Variants in TMIGD3 observed in about 807,000 individuals in gnomAD.
TMIGD3 encodes transmembrane and immunoglobulin domain containing 3.
In TMIGD3, 21 loss-of-function variants were observed where a neutral mutation model predicts 28.1. The ratio of observed to expected loss-of-function variants is 0.75; its 90% CI spans 0.53 to 1.08. TMIGD3 has a LOEUF of 1.08. Ranked by LOEUF, TMIGD3 falls within the 50% of genes least tolerant of loss-of-function variation. TMIGD3 has a pLI of 0.00. For synonymous variants in TMIGD3, 151 were observed against 162.1 expected (o/e 0.93, Z 0.52); for missense variants, 416 against 435.6 (o/e 0.96, Z 0.40).
rs751768086 is a variant in TMIGD3 at position 111,483,507 on chromosome 1, T to C, written c.*180A>G. On this transcript the variant is annotated 3_prime_UTR_variant, in exon 6 of 6. Transcript: ENST00000369716. ...TGAGGGCAGCCTTGCTTGGGTGTGG[T>C]CTATCATAGCTCCTCTGACTACCGC... 3.9e-5 allele frequency: 24 copies of C among 619,338 alleles called. No individual in the cohort carries two copies. Among genetic ancestry groups the C allele is most frequent in the Non-Finnish European group, 7.0e-5 (24 of 343,616 alleles). The allele number at this position is 619,338 out of a possible 1,614,324, so 38.4% of individuals were successfully genotyped here.
chr1:111,490,194 A>G (rs1654588874), intron 2 of TMIGD3: 1 of 155,736 alleles, frequency 6.4e-6, no homozygotes. Context: ...GGAAAGGGGA[A>G]AGTCGTGTCC....
chr1:111,549,341 T>G (rs1271230240), intron 1 of TMIGD3, among the ~76,000 whole-genome samples: 1 of 151,436 alleles, frequency 6.6e-6, no homozygotes, highest in Non-Finnish European at 1.5e-5. Context: ...CTTTTTCCTT[T>G]TTTTCCCCCT....
At chr1:111,504,868 T>C (rs540765317), upstream of TMIGD3, 16 of 985,162 alleles carry the variant, frequency 1.6e-5, no homozygotes, top group Non-Finnish European at 1.8e-5. Context: ...ATCCCATACT[T>C]GTCCCCGCCA....
chr1:111,500,517 G>A (rs2789537), intron 1 of TMIGD3: 29,171 of 1,614,170 alleles, frequency 0.018, 366 homozygotes, highest in Middle Eastern at 0.034. Flanking sequence ...AAAGGCCCAG[G>A]GCCAGCCATA....
intron 5 of TMIGD3, chr1:111,485,476 C>A (rs1320911208): frequency 1.3e-5 from 5 of 375,040 alleles, no homozygotes; most frequent in Non-Finnish European, 2.4e-5. Flanking sequence ...AGATGGGAAC[C>A]TGGTGTGGTT....
chr1:111,531,731 A>AT, intron 1 of TMIGD3, among the ~76,000 whole-genome samples: 1 of 151,932 alleles, frequency 6.6e-6, no homozygotes, highest in South Asian at 2.1e-4. Flanking sequence ...TTATTTATTT[A>AT]TTTTTTAAGA....
At chr1:111,547,306 GT>G (rs1290728285) in intron 1 of TMIGD3, among the ~76,000 whole-genome samples, 1 of 151,854 alleles carries the variant, frequency 6.6e-6, no homozygotes, top group Non-Finnish European at 1.5e-5. Flanking sequence ...TCATGAAAGG[GT>G]ACTGGATTTT....
intron 1 of TMIGD3, among the ~76,000 whole-genome samples, chr1:111,535,905 A>C (rs1317846333): frequency 6.6e-6 from 1 of 152,228 alleles, no homozygotes; most frequent in African/African-American, 2.4e-5. Flanking sequence ...AGGAGAGAGC[A>C]TTGAACTGAA....
chr1:111,487,507 A>AG (rs1654440665), intron 3 of TMIGD3, among the ~76,000 whole-genome samples: 1 of 151,886 alleles, frequency 6.6e-6, no homozygotes, highest in Non-Finnish European at 1.5e-5. Flanking sequence ...CAGGGGAAAG[A>AG]GAAAAAAAAA....
At chr1:111,503,659 G>A (rs1655370492), upstream of TMIGD3, 1 of 1,130,724 alleles carries the variant, frequency 8.8e-7, no homozygotes, top group African/African-American at 1.6e-5. Context: ...GCTGCTCTTA[G>A]TTCCCCAAAC....
intron 1 of TMIGD3, among the ~76,000 whole-genome samples, chr1:111,529,844 C>T (rs942998295): frequency 9.2e-5 from 14 of 152,156 alleles, no homozygotes; most frequent in East Asian, 1.9e-4. Context: ...TCCACAAAAC[C>T]GCCATTGTCA....
chr1:111,526,662 A>G (rs763725511), intron 1 of TMIGD3, among the ~76,000 whole-genome samples: 12 of 152,246 alleles, frequency 7.9e-5, no homozygotes, highest in Non-Finnish European at 1.6e-4. Context: ...TAATGAAAGA[A>G]CCTGCATTAA....
intron 1 of TMIGD3, among the ~76,000 whole-genome samples, chr1:111,550,530 T>G (rs1308745020): frequency 2.0e-5 from 3 of 152,238 alleles, no homozygotes; most frequent in African/African-American, 7.2e-5. Flanking sequence ...TTTTCTATGT[T>G]ATGTTTTCAT....
At chr1:111,529,360 C>T in intron 1 of TMIGD3, among the ~76,000 whole-genome samples, 2 of 150,422 alleles carry the variant, frequency 1.3e-5, no homozygotes, top group South Asian at 4.2e-4. Flanking sequence ...GATACAATTT[C>T]TTTCTTTCTT....
intron 1 of TMIGD3, among the ~76,000 whole-genome samples, chr1:111,522,677 C>T (rs912618659): frequency 2.0e-5 from 3 of 151,974 alleles, no homozygotes; most frequent in African/African-American, 4.8e-5. Context: ...CCACCATGCC[C>T]AGCTATTTTT....
intron 1 of TMIGD3, among the ~76,000 whole-genome samples, chr1:111,526,393 G>GT (rs1557835795): frequency 6.6e-6 from 1 of 152,124 alleles, no homozygotes; most frequent in African/African-American, 2.4e-5. Flanking sequence ...TCCTCCTTCA[G>GT]TTGGCTCTCA....
At chr1:111,500,625 T>C in intron 1 of TMIGD3, 2 of 1,460,344 alleles carry the variant, frequency 1.4e-6, no homozygotes, top group South Asian at 2.4e-5. Context: ...ATGGAGCTGG[T>C]AAAGGAGAGA....
intron 1 of TMIGD3, among the ~76,000 whole-genome samples, chr1:111,536,846 C>T (rs1322860128): frequency 6.6e-6 from 1 of 152,158 alleles, no homozygotes; most frequent in African/African-American, 2.4e-5. Flanking sequence ...ATCCCCCAGG[C>T]CCAAGCTTTT....
intron 2 of TMIGD3, chr1:111,489,474 A>G (rs1446730953): frequency 3.7e-6 from 3 of 800,536 alleles, no homozygotes; most frequent in African/African-American, 3.8e-5. Context: ...TACCACCTTC[A>G]TAACATAAGG....
Sources: gnomAD v4.1 joint callset for allele counts (sites outside exome capture counted in the v4.1 genomes callset) on GRCh38, gnomAD v4.1.1 for gene constraint, MANE v1.5 for transcripts, NCBI Gene and HGNC (gene_info 2026-07-23, HGNC 2026-07-21) for gene names.